The following MRTO4 variants were observed in gnomAD, a reference collection of about 807,000 sequenced individuals.
The protein encoded by MRTO4 is mRNA turnover protein 4 homolog.
In MRTO4, 7 loss-of-function variants were observed where a neutral mutation model predicts 28.6. That is an observed-to-expected ratio of 0.24 (90% CI 0.14 to 0.46). The LOEUF (loss-of-function observed/expected upper bound fraction) is 0.46. MRTO4 is among the 20% of genes least tolerant of loss of function. The pLI is 0.99. For missense variants in MRTO4, 302 were observed against 298.3 expected (o/e 1.01, Z -0.09); for synonymous variants, 113 against 108.2 (o/e 1.04, Z -0.27).
intron 4 of MRTO4, 92 bp downstream of exon 4, chr1:19,257,237 G>C (rs2093672728): frequency 1.4e-6 from 2 of 1,428,048 alleles, no homozygotes; most frequent in Non-Finnish European, 1.9e-6. Context: ...CCATTGGCAG[G>C]CCGGAGGCTC....
intron 2 of MRTO4, 108 bp downstream of exon 2, chr1:19,254,948 G>GGA (rs529464146): frequency 9.0e-5 from 64 of 714,900 alleles, no homozygotes; most frequent in Non-Finnish European, 1.2e-4. Flanking sequence ...TACTAGTGGG[G>GGA]AAAAAAAAAA....
chr1:19,258,406 A>G, intron 6 of MRTO4, 71 bp from the exon 7 acceptor site: 1 of 1,584,426 alleles, frequency 6.3e-7, no homozygotes, highest in East Asian at 2.2e-5. Flanking sequence ...ATTCCTCCCA[A>G]CATGACCAGG....
At chr1:19,252,107 GC>G (rs1318539382) in intron 1 of MRTO4, 1 of 565,566 alleles carries the variant, frequency 1.8e-6, no homozygotes, top group Non-Finnish European at 3.1e-6. Context: ...CTCTTGCAAG[GC>G]CAACTGGGTC....
rs758482846 is a variant in MRTO4 at position 19,257,898 on chromosome 1, G to A, written c.407G>A (p.Ser136Asn). The change falls in exon 6 of 8, where the codon AGC becomes AAC. Residue 136 changes from serine (S) to asparagine (N), a missense_variant. Ser to Asn is a conservative substitution (Grantham distance 46). Coordinates refer to ENST00000330263, the MANE Select transcript of MRTO4 (RefSeq NM_016183.4). ...RAGNKAAFTV[S>N]LDPGPLEQFP... is the part of the protein sequence containing the mutation. ...GGTAACAAAGCAGCTTTCACTGTGA[G>A]CCTGGATCCAGGGCCCCTGGAGCAG... 6.8e-6 allele frequency: 11 copies of A among 1,614,156 alleles called. No individual in the cohort carries two copies. The highest frequency in any genetic ancestry group is 4.0e-5 in the African/African-American group (3 of 75,046).
intron 5 of MRTO4, 68 bp from the exon 6 acceptor site, chr1:19,257,760 TTGGGG>T: frequency 6.4e-7 from 1 of 1,573,078 alleles, no homozygotes; most frequent in Non-Finnish European, 8.7e-7. Context: ...CACGGGACAC[TTGGGG>T]GAGCCTGACT....
At chr1:19,252,762 C>G (rs936217052) in intron 1 of MRTO4, among the ~76,000 whole-genome samples, 4 of 152,214 alleles carry the variant, frequency 2.6e-5, no homozygotes, top group Admixed American at 6.5e-5. Context: ...GCGATCCTCC[C>G]ACCTCAACCT....
chr1:19,257,368 G>A, intron 4 of MRTO4, 86 bp from the exon 5 acceptor site: 1 of 1,493,620 alleles, frequency 6.7e-7, no homozygotes, highest in African/African-American at 1.4e-5. Flanking sequence ...TTTAAATGTT[G>A]CCAAATGTAC....
Position 19,258,471 on chromosome 1 carries a change from C to T in MRTO4, c.494-6C>T. On this transcript the variant is annotated splice_region_variant and splice_polypyrimidine_tract_variant and intron_variant, in intron 6 of 7. Transcript: ENST00000330263. ...AGAGGTAACTGAGAGCCACCCTCTT[C>T]TGCAGGTGTGGTGACTCTGCTGTCT... is the stretch of plus-strand genomic sequence containing the variant. The T allele has an allele frequency of 6.2e-7, 1 of 1,613,716 alleles. No individual in the cohort carries two copies. The highest frequency in any genetic ancestry group is 8.5e-7 in the Non-Finnish European group (1 of 1,180,024).
Position 19,254,869 on chromosome 1 carries a change from C to G in MRTO4, c.87+29C>G, listed in dbSNP as rs1303991115. On this transcript the variant is annotated intron_variant, in intron 2 of 7. Coordinates refer to ENST00000330263, the MANE Select transcript of MRTO4 (RefSeq NM_016183.4). Reference sequence around the variant, plus strand: ...AGAGGTTGTTCTTTTCTAGAGCTTGCAATTGTTTGGTTTATAAAGGTAGGT... The same window carrying G: ...AGAGGTTGTTCTTTTCTAGAGCTTGGAATTGTTTGGTTTATAAAGGTAGGT... 4 of 1,579,888 alleles carry G rather than the reference C, an allele frequency of 2.5e-6. No individual in the cohort carries two copies. The South Asian group carries it at 4.6e-5, about 18-fold the overall frequency.
At chr1:19,257,306 A>T in intron 4 of MRTO4, 148 bp from the exon 5 acceptor site, 2 of 1,163,060 alleles carry the variant, frequency 1.7e-6, no homozygotes, top group Non-Finnish European at 2.6e-6. Flanking sequence ...GGACCCAAGG[A>T]ATAGCAGCTT....
At position 19,257,092 on chromosome 1, in the gene MRTO4, A is replaced by G. The variant is rs1050053534; in HGVS notation, c.220A>G (p.Met74Val). ...RMFFGKNKVM[M>V]VALGRSPSDE... ...GTTCTTTGGCAAAAACAAGGTGATG[A>G]TGGTGGCCTTGGGTCGGAGCCCATC... is the stretch of plus-strand genomic sequence containing the variant. The change falls in exon 4 of 8, where the codon ATG (methionine) becomes GTG (valine). Residue 74 changes from methionine (M) to valine (V), a missense_variant. Physicochemically the swap from Met to Val is conservative, Grantham distance 21 (BLOSUM62 1). Coordinates refer to ENST00000330263, the MANE Select transcript of MRTO4 (RefSeq NM_016183.4). 4 of 1,613,954 alleles carry G rather than the reference A, an allele frequency of 2.5e-6. No individual in the cohort carries two copies. Among genetic ancestry groups the G allele is most frequent in the Non-Finnish European group, 3.4e-6 (4 of 1,180,022 alleles).
In MRTO4 at chr1:19,259,106, G is replaced by GAA; in HGVS notation, c.*284_*285dup. 1.5e-5 allele frequency: 4 copies of GAA among 258,900 alleles called. No individual in the cohort carries two copies. The highest frequency in any genetic ancestry group is 2.2e-5 in the Non-Finnish European group (3 of 135,416). The allele number at this position is 258,900 out of a possible 1,614,324, so 16.0% of individuals were successfully genotyped here. A position where few individuals can be genotyped will look rare whatever the true frequency, so the allele number is the denominator to read the frequency against. On this transcript the variant is annotated 3_prime_UTR_variant, in exon 8 of 8. Coordinates refer to ENST00000330263, the MANE Select transcript of MRTO4 (RefSeq NM_016183.4). ...TGAAACCCCGTCTCTACTAAAAATA[G>GAA]AAAAAAAAACTAGTTGGGCATAGTG...
rs1384283226 is a variant in MRTO4 at position 19,257,507 on chromosome 1, G to A, written c.327G>A (p.Lys109=). ...EVGLLFTNRT[K]EEVNEWFTKY... is the part of the protein sequence containing the mutation. ...GTCTCCTGTTCACCAACCGCACAAAGGAGGAGGTGAATGAGTAAGTACTGC... is the reference window on the plus strand; with the variant it reads ...GTCTCCTGTTCACCAACCGCACAAAAGAGGAGGTGAATGAGTAAGTACTGC... The change falls in exon 5 of 8, where the codon AAG becomes AAA. Residue 109 remains lysine, a synonymous_variant. Coordinates refer to ENST00000330263, the MANE Select transcript of MRTO4 (RefSeq NM_016183.4). 9 of 1,614,260 alleles carry A rather than the reference G, an allele frequency of 5.6e-6. No homozygotes were observed. The highest frequency in any genetic ancestry group is 7.6e-6 in the Non-Finnish European group (9 of 1,180,042).
intron 1 of MRTO4, chr1:19,252,230 T>G (rs1031936083): frequency 3.0e-6 from 1 of 328,716 alleles, no homozygotes. Context: ...CTGGCTGCCT[T>G]TCCCTTCTTT....
At chr1:19,257,219 T>G in intron 4 of MRTO4, 74 bp downstream of exon 4, 1 of 1,500,694 alleles carries the variant, frequency 6.7e-7, no homozygotes, top group South Asian at 1.2e-5. Context: ...TGTGACAGCC[T>G]CCCCCAGCCA....
chr1:19,258,369 C>A, intron 6 of MRTO4, 108 bp from the exon 7 acceptor site: 1 of 1,324,034 alleles, frequency 7.6e-7, no homozygotes, highest in Non-Finnish European at 1.1e-6. Context: ...TGTGTTGGAG[C>A]CGTGGGGAGG....
Position 19,259,554 on chromosome 1 carries a change from G to A in MRTO4, c.*724G>A, listed in dbSNP as rs1003852650. 3 of 152,356 alleles carry A rather than the reference G, an allele frequency of 2.0e-5. No homozygotes were observed. The highest frequency in any genetic ancestry group is 4.4e-5 in the Non-Finnish European group (3 of 68,152). 9.4% of individuals were successfully genotyped at this position (152,356 alleles called of 1,614,324 possible). A position where few individuals can be genotyped will look rare whatever the true frequency, so the allele number is the denominator to read the frequency against. On this transcript the variant is annotated 3_prime_UTR_variant, in exon 8 of 8. Transcript: ENST00000330263. Reference sequence around the variant, plus strand: ...ATCATGCCACTGCACTCCAGCCTGGGTGGCCATTGAATTCTGCGTGGATTG... The same window carrying A: ...ATCATGCCACTGCACTCCAGCCTGGATGGCCATTGAATTCTGCGTGGATTG...
Position 19,259,918 on chromosome 1 carries a change from T to C in MRTO4, c.*1088T>C, listed in dbSNP as rs1374539659. On this transcript the variant is annotated 3_prime_UTR_variant, in exon 8 of 8. Transcript: ENST00000330263. Reference sequence around the variant, plus strand: ...CTTGTTCTATTTGCTTTTGTTTGTTTTTGATTTTTCTGTTTTAAAATTTTA... The same window carrying C: ...CTTGTTCTATTTGCTTTTGTTTGTTCTTGATTTTTCTGTTTTAAAATTTTA... The C allele has an allele frequency of 6.6e-6, 1 of 152,210 alleles. No homozygotes were observed. Among genetic ancestry groups the C allele is most frequent in the Non-Finnish European group, 1.5e-5 (1 of 68,066 alleles). 9.4% of individuals were successfully genotyped at this position (152,210 alleles called of 1,614,324 possible).
rs756863283 is a variant in MRTO4 at position 19,257,089 on chromosome 1, A to G, written c.217A>G (p.Met73Val). ...SRMFFGKNKV[M>V]MVALGRSPSD... Reference sequence around the variant, plus strand: ...GATGTTCTTTGGCAAAAACAAGGTGATGATGGTGGCCTTGGGTCGGAGCCC... The same window carrying G: ...GATGTTCTTTGGCAAAAACAAGGTGGTGATGGTGGCCTTGGGTCGGAGCCC... The change falls in exon 4 of 8, where the codon ATG (methionine) becomes GTG (valine). Residue 73 changes from methionine (M) to valine (V), a missense_variant. By Grantham distance (21) the Met-to-Val change is conservative. Coordinates refer to ENST00000330263, the MANE Select transcript of MRTO4 (RefSeq NM_016183.4). 2 of 1,614,092 alleles carry G rather than the reference A, an allele frequency of 1.2e-6. No individual in the cohort carries two copies. The highest frequency in any genetic ancestry group is 1.7e-6 in the Non-Finnish European group (2 of 1,180,020).
Sources: gnomAD v4.1 joint callset for allele counts (sites outside exome capture counted in the v4.1 genomes callset) on GRCh38, gnomAD v4.1.1 for gene constraint, MANE v1.5 for transcripts, NCBI Gene and HGNC (gene_info 2026-07-23, HGNC 2026-07-21) for gene names.